The following HINFP variants were observed in gnomAD, a reference collection of about 807,000 sequenced individuals.
The protein encoded by HINFP is MBD2 (methyl-CpG-binding protein)-interacting zinc finger protein.
A neutral mutation model predicts 50.1 loss-of-function variants in HINFP; 20 were observed. The ratio of observed to expected loss-of-function variants is 0.40; its 90% CI spans 0.28 to 0.58. The LOEUF is 0.58. Ranked by LOEUF, HINFP falls within the 20% of genes least tolerant of loss-of-function variation. HINFP has a pLI of 0.45. For synonymous variants in HINFP, 247 were observed against 243.7 expected (o/e 1.01, Z -0.13); for missense variants, 505 against 664.1 (o/e 0.76, Z 2.63).
chr11:119,129,342 G>C (rs1456765699), intron 2 of HINFP, among the ~76,000 whole-genome samples: 1 of 149,902 alleles, frequency 6.7e-6, no homozygotes, highest in Non-Finnish European at 1.5e-5. Context: ...CCCGACCAAA[G>C]CCACTTTTTT....
Position 119,132,747 on chromosome 11 carries a change from G to A in HINFP, c.841G>A (p.Asp281Asn). ...CCACATGCGCTTTCGTCACAGTGAG[G>A]ACCGGCCCTTTAAATGTGACTGTTG... ...RNHMRFRHSE[D>N]RPFKCDCCDY... The change falls in exon 7 of 10, where the codon GAC becomes AAC. Residue 281 changes from aspartate (D) to asparagine (N), a missense_variant. Coordinates refer to ENST00000350777, the MANE Select transcript of HINFP (RefSeq NM_198971.3). 6.2e-7 allele frequency: 1 copy of A among 1,613,724 alleles called. No individual in the cohort carries two copies. The highest frequency in any genetic ancestry group is 8.5e-7 in the Non-Finnish European group (1 of 1,180,026).
intron 1 of HINFP, among the ~76,000 whole-genome samples, chr11:119,123,545 CTTCT>C (rs1215959428): frequency 1.8e-5 from 2 of 111,682 alleles, no homozygotes; most frequent in Admixed American, 1.1e-4. Context: ...ATATTTCTTT[CTTCT>C]TTTTTTTTTT....
At chr11:119,129,599 T>A (rs1947640569) in intron 2 of HINFP, among the ~76,000 whole-genome samples, 1 of 151,538 alleles carries the variant, frequency 6.6e-6, no homozygotes, top group African/African-American at 2.4e-5. Flanking sequence ...TAGCTGGGAC[T>A]ACAGGCGCCC....
Position 119,132,646 on chromosome 11 carries a change from C to G in HINFP, c.755-15C>G, listed in dbSNP as rs745355710. 1.9e-6 allele frequency: 3 copies of G among 1,614,118 alleles called. No individual in the cohort carries two copies. In the Admixed American group the frequency reaches 5.0e-5, roughly 27 times the overall value. ...ACAAGTTCTCACATCACAGCCTCCT[C>G]TCTGCTTCTCTCAGTGAATCACTAT... On this transcript the variant is annotated splice_polypyrimidine_tract_variant and intron_variant, in intron 6 of 9. Coordinates refer to ENST00000350777, the MANE Select transcript of HINFP (RefSeq NM_198971.3).
chr11:119,127,154 G>A, intron 2 of HINFP, 29 bp downstream of exon 2: 1 of 1,545,256 alleles, frequency 6.5e-7, no homozygotes, highest in Non-Finnish European at 8.7e-7. Flanking sequence ...GGAAGGGGAG[G>A]AGCTCAAGGA....
Position 119,130,576 on chromosome 11 carries a change from T to G in HINFP, c.182-149T>G, listed in dbSNP as rs1350092242. 5 of 638,862 alleles carry G rather than the reference T, an allele frequency of 7.8e-6. No homozygotes were observed. In the East Asian group the frequency reaches 1.1e-4, roughly 14 times the overall value. The allele number at this position is 638,862 out of a possible 1,614,324, so 39.6% of individuals were successfully genotyped here. ...CACACAATTTATGGTCATTAAATAC[T>G]GGTATTTGCTAAATGAACCCTGGTA... On this transcript the variant is annotated intron_variant, in intron 2 of 9. Transcript: ENST00000350777.
intron 1 of HINFP, chr11:119,124,254 G>A (rs1758212581): frequency 6.6e-6 from 1 of 152,116 alleles, no homozygotes; most frequent in South Asian, 2.1e-4. Context: ...AGGTATAGTG[G>A]GTTCAGAAAA....
At position 119,131,324 on chromosome 11, in the gene HINFP, A is replaced by G; in HGVS notation, c.412-211A>G. 1 of 591,970 alleles carries G rather than the reference A, an allele frequency of 1.7e-6. No individual in the cohort carries two copies. The allele number at this position is 591,970 out of a possible 1,614,324, so 36.7% of individuals were successfully genotyped here. ...GGCCGGTCTCGAACTCTTGGCCTCA[A>G]GTGATTCTCCTGCCTCAGCCTCTCA... is the stretch of plus-strand genomic sequence containing the variant. On this transcript the variant is annotated intron_variant, in intron 3 of 9. Coordinates refer to ENST00000350777, the MANE Select transcript of HINFP (RefSeq NM_198971.3). This position sits in a 1 kb window ranked among gnomAD's most constrained non-coding sequence, Gnocchi z 4.2.
rs749644258 is a variant in HINFP at position 119,133,051 on chromosome 11, T to G, written c.1015-44T>G. The G allele has an allele frequency of 2.5e-6, 4 of 1,614,054 alleles. No individual in the cohort carries two copies. The East Asian group carries it at 6.7e-5, about 27-fold the overall frequency. The stretch of plus-strand genomic sequence containing the variant: ...GGACTAGTGGAAGTATGGGGGACCC[T>G]GGGGTGAAGAGCTGGTCTCATTTCT... On this transcript the variant is annotated intron_variant, in intron 8 of 9. Transcript: ENST00000350777.
At position 119,127,144 on chromosome 11, in the gene HINFP, G is replaced by A; in HGVS notation, c.181+19G>A. The A allele has an allele frequency of 6.3e-7, 1 of 1,576,656 alleles. No homozygotes were observed. Among genetic ancestry groups the A allele is most frequent in the Non-Finnish European group, 8.6e-7 (1 of 1,161,282 alleles). On this transcript the variant is annotated intron_variant, in intron 2 of 9. Transcript: ENST00000350777. The stretch of plus-strand genomic sequence containing the variant: ...CCACTTGGTAAGAGAGCAGGACACA[G>A]GAAGGGGAGGAGCTCAAGGAAAGGT...
Position 119,133,185 on chromosome 11 carries a change from C to T in HINFP, c.1105C>T (p.Gln369Ter). The change falls in exon 9 of 10, where the codon CAG (glutamine) becomes TAG (stop). Residue 369 changes from glutamine (Q) to a stop codon, truncating the protein, a stop_gained. Coordinates refer to ENST00000350777, the MANE Select transcript of HINFP (RefSeq NM_198971.3). LOFTEE classifies it high-confidence loss of function. ...NLTVHLRKKH[Q>*]FKWPSGHPRF... Reference sequence around the variant, plus strand: ...CACCGTGCACCTTCGCAAGAAGCACCAGTTCAAGTGGCCCTCAGGGCATCC... The same window carrying T: ...CACCGTGCACCTTCGCAAGAAGCACTAGTTCAAGTGGCCCTCAGGGCATCC... 1 of 1,614,222 alleles carries T rather than the reference C, an allele frequency of 6.2e-7. No homozygotes were observed.
intron 2 of HINFP, chr11:119,130,077 G>T (rs1162958038): frequency 6.6e-6 from 1 of 152,588 alleles, no homozygotes; most frequent in Middle Eastern, 3.4e-3. Flanking sequence ...TGGAAGAGTT[G>T]ATGGGGCCTT....
intron 2 of HINFP, chr11:119,130,474 A>G: frequency 2.0e-6 from 1 of 493,504 alleles, no homozygotes. Flanking sequence ...TTTGATGAAT[A>G]TGCTTTCTCC....
chr11:119,133,988 T>G (rs751863098), intron 9 of HINFP, 96 bp from the exon 10 acceptor site: 1 of 1,549,018 alleles, frequency 6.5e-7, no homozygotes, highest in Non-Finnish European at 8.9e-7. Flanking sequence ...CCAGGACTTC[T>G]TCCATCCCTC....
rs1947432225 is a variant in HINFP at position 119,126,800 on chromosome 11, G to T, written c.-10-135G>T. 9 of 698,074 alleles carry T rather than the reference G, an allele frequency of 1.3e-5. No individual in the cohort carries two copies. The South Asian group carries it at 1.7e-4, about 13-fold the overall frequency. 43.2% of individuals were successfully genotyped at this position (698,074 alleles called of 1,614,324 possible). On this transcript the variant is annotated intron_variant, in intron 1 of 9. Coordinates refer to ENST00000350777, the MANE Select transcript of HINFP (RefSeq NM_198971.3). ...TTTAAGGAATTACTCCATCCTTACT[G>T]TAAAAGGGCAGGGTTTCTCATGGGT...
intron 2 of HINFP, chr11:119,130,438 C>T (rs981396517): frequency 3.6e-5 from 14 of 388,204 alleles, no homozygotes; most frequent in Non-Finnish European, 6.2e-5. Context: ...TCACTGGTTG[C>T]AGTTTTATAT....
intron 5 of HINFP, 183 bp from the exon 6 acceptor site, chr11:119,132,313 G>A: frequency 1.6e-6 from 1 of 640,456 alleles, no homozygotes; most frequent in Non-Finnish European, 2.7e-6. Flanking sequence ...TGGTGAAGCT[G>A]GAATTCTAAC....
rs756492224 is a variant in HINFP at position 119,132,924 on chromosome 11, C to T, written c.936C>T (p.Tyr312=). 3 of 1,614,256 alleles carry T rather than the reference C, an allele frequency of 1.9e-6. No individual in the cohort carries two copies. Among genetic ancestry groups the T allele is most frequent in the Non-Finnish European group, 2.5e-6 (3 of 1,180,046 alleles). The change falls in exon 8 of 10, where the codon TAC becomes TAT. Residue 312 remains tyrosine (Y), a synonymous_variant. Coordinates refer to ENST00000350777, the MANE Select transcript of HINFP (RefSeq NM_198971.3). ...ATACCCACAGCGAGGAGCCAGCCTACAGGTGTGATTTTGAGAACTGCACCT... is the reference window on the plus strand; with the variant it reads ...ATACCCACAGCGAGGAGCCAGCCTATAGGTGTGATTTTGAGAACTGCACCT... The part of the protein sequence containing the change: ...HLDTHSEEPA[Y]RCDFENCTFS...
At chr11:119,130,167 A>G (rs1488427827) in intron 2 of HINFP, 1 of 152,832 alleles carries the variant, frequency 6.5e-6, no homozygotes, top group Non-Finnish European at 1.5e-5. Flanking sequence ...GAGGTGTCAG[A>G]TCGAGAGGCA....
Sources: gnomAD v4.1 joint callset for allele counts (sites outside exome capture counted in the v4.1 genomes callset) on GRCh38, gnomAD v4.1.1 for gene constraint, Gnocchi (gnomAD v3.1) non-coding constraint, MANE v1.5 for transcripts, NCBI Gene and HGNC (gene_info 2026-07-23, HGNC 2026-07-21) for gene names.